The following FAM91A1 variants were observed in gnomAD, a reference collection of about 807,000 sequenced individuals.
FAM91A1 encodes family with sequence similarity 91 member A1.
FAM91A1 carries 41 observed loss-of-function variants against 113.5 expected under a neutral mutation model. That is an observed-to-expected ratio of 0.36 (90% CI 0.28 to 0.47). The LOEUF (loss-of-function observed/expected upper bound fraction) is 0.47, where lower values mean the gene tolerates loss of function less well. FAM91A1 is among the 20% of genes least tolerant of loss of function. The pLI, the probability that FAM91A1 is intolerant of heterozygous loss-of-function variation, is 1.00. For missense variants in FAM91A1, 696 were observed against 1,001.2 expected (o/e 0.70, Z 4.11); for synonymous variants, 307 against 347.9 (o/e 0.88, Z 1.31).
intron 1 of FAM91A1, among the ~76,000 whole-genome samples, chr8:123,769,931 A>G (rs575398787): frequency 6.6e-6 from 1 of 152,028 alleles, no homozygotes; most frequent in African/African-American, 2.4e-5. Flanking sequence ...GTGATGGTAT[A>G]TAAGGATTAT....
chr8:123,800,825 AG>A (rs1815657413), intron 18 of FAM91A1, among the ~76,000 whole-genome samples: 1 of 152,090 alleles, frequency 6.6e-6, no homozygotes, highest in Non-Finnish European at 1.5e-5. Flanking sequence ...AATGTTTTCA[AG>A]GTTCATCATG....
Position 123,768,581 on chromosome 8 carries a change from C to A in FAM91A1, c.-122C>A, listed in dbSNP as rs142309473. ...GCCTAGGCCATGGGGCAGCCTGGGCCTTCTGCAGTGTGAGGCGCGGGGCCT... is the reference window on the plus strand; with the variant it reads ...GCCTAGGCCATGGGGCAGCCTGGGCATTCTGCAGTGTGAGGCGCGGGGCCT... On this transcript the variant is annotated 5_prime_UTR_variant, in exon 1 of 24. Coordinates refer to ENST00000334705, the MANE Select transcript of FAM91A1 (RefSeq NM_144963.4). 8.5e-6 allele frequency: 7 copies of A among 827,706 alleles called. 1 individual carries two copies. In the South Asian group the frequency reaches 1.3e-4, roughly 16 times the overall value. 51.3% of individuals were successfully genotyped at this position (827,706 alleles called of 1,614,324 possible).
rs181106617 is a variant in FAM91A1, at chr8:123,776,137, G to A, written c.309+839G>A. 3.4e-4 allele frequency among the ~76,000 whole-genome samples: 52 copies of A among 152,252 alleles called. 1 individual carries two copies. Among genetic ancestry groups the A allele is most frequent in the African/African-American group, 1.1e-3 (46 of 41,528 alleles). On this transcript the variant is annotated intron_variant, in intron 3 of 23. Transcript: ENST00000334705. Reference sequence around the variant, plus strand: ...TATAATTATTAACTTTTAGTTGTTAGCCTTTTTCCAAAGACAGCTTTTAGG... The same window carrying A: ...TATAATTATTAACTTTTAGTTGTTAACCTTTTTCCAAAGACAGCTTTTAGG...
chr8:123,792,291 T>C (rs1815403682), intron 15 of FAM91A1, among the ~76,000 whole-genome samples: 1 of 152,268 alleles, frequency 6.6e-6, no homozygotes, highest in Non-Finnish European at 1.5e-5. Context: ...GTAGTACTTG[T>C]TATCTACTAT....
At chr8:123,807,470 C>A (rs1350767075) in intron 20 of FAM91A1, among the ~76,000 whole-genome samples, 1 of 135,700 alleles carries the variant, frequency 7.4e-6, no homozygotes, top group Non-Finnish European at 1.6e-5. Flanking sequence ...AGAGCAAGAC[C>A]CTGTCTCTAC....
At position 123,774,933 on chromosome 8, in the gene FAM91A1, C is replaced by T. The variant is rs1244355011; in HGVS notation, c.158-214C>T. ...GTTTTCTCATTTGGCAAGAATTATT[C>T]TCTACTAATCTGTCCTATTATTCAT... On this transcript the variant is annotated intron_variant, in intron 2 of 23. Transcript: ENST00000334705. Among the ~76,000 whole-genome samples the T allele has an allele frequency of 3.9e-5, 6 of 152,214 alleles. No individual in the cohort carries two copies. The East Asian group carries it at 1.2e-3, about 29-fold the overall frequency.
intron 20 of FAM91A1, 66 bp downstream of exon 20, chr8:123,806,295 A>AT (rs1241086846): frequency 6.8e-7 from 1 of 1,479,094 alleles, no homozygotes; most frequent in African/African-American, 1.4e-5. Context: ...GTGTTAATAT[A>AT]TGAAAAGCAG....
chr8:123,794,802 C>T (rs1353964512), intron 15 of FAM91A1, among the ~76,000 whole-genome samples: 1 of 152,170 alleles, frequency 6.6e-6, no homozygotes, highest in African/African-American at 2.4e-5. Context: ...AGAAAAGTAA[C>T]ATTACAAGAA....
chr8:123,797,941 T>C, intron 15 of FAM91A1, 149 bp from the exon 16 acceptor site: 1 of 838,984 alleles, frequency 1.2e-6, no homozygotes, highest in South Asian at 1.8e-5. Flanking sequence ...CTTGGTGGTC[T>C]CCTAGGAAAT....
intron 20 of FAM91A1, among the ~76,000 whole-genome samples, 174 bp downstream of exon 20, chr8:123,806,403 G>C (rs1261037719): frequency 1.3e-5 from 2 of 152,198 alleles, no homozygotes; most frequent in Non-Finnish European, 2.9e-5. Context: ...AATGTCAGTT[G>C]TTCAAATGAA....
rs76390276 is a variant in FAM91A1 at position 123,797,349 on chromosome 8, C to T, written c.1412-741C>T. ...AGACATTTTTAGATACATTAAGAAA[C>T]AAGAAAGTTAGATGGAACTTACAGT... On this transcript the variant is annotated intron_variant, in intron 15 of 23. Transcript: ENST00000334705. 2.5e-3 allele frequency among the ~76,000 whole-genome samples: 387 copies of T among 152,234 alleles called. 1 individual carries two copies. The highest frequency in any genetic ancestry group is 9.1e-3 in the African/African-American group (377 of 41,548).
intron 1 of FAM91A1, among the ~76,000 whole-genome samples, chr8:123,770,689 G>C (rs182779997): frequency 5.1e-4 from 78 of 152,278 alleles, no homozygotes; most frequent in African/African-American, 1.8e-3. Context: ...ATGAATATTT[G>C]ACTTTAATTA....
chr8:123,784,713 C>A, intron 9 of FAM91A1, 137 bp downstream of exon 9: 1 of 508,630 alleles, frequency 2.0e-6, no homozygotes, highest in Non-Finnish European at 3.3e-6. Flanking sequence ...ACTTAAATGT[C>A]ATTATTCTTA....
At position 123,774,166 on chromosome 8, in the gene FAM91A1, TA is replaced by T. The variant is rs751545617; in HGVS notation, c.157+4del. On this transcript the variant is annotated splice_donor_region_variant and intron_variant, in intron 2 of 23. Coordinates refer to ENST00000334705, the MANE Select transcript of FAM91A1 (RefSeq NM_144963.4). Reference sequence around the variant, plus strand: ...AGTTACGATATAGAAATAACTTAGGTAAGTAGAGCCATGTTTATATTGGGGT... The same window carrying T: ...AGTTACGATATAGAAATAACTTAGGTAGTAGAGCCATGTTTATATTGGGGT... 1 of 1,604,770 alleles carries T rather than the reference TA, an allele frequency of 6.2e-7. No homozygotes were observed. The highest frequency in any genetic ancestry group is 8.5e-7 in the Non-Finnish European group (1 of 1,176,310).
rs1441632914 is a variant in FAM91A1, at chr8:123,786,724, C to CT, written c.1078+117dup. 72 of 812,608 alleles carry CT rather than the reference C, an allele frequency of 8.9e-5. 1 individual carries two copies. Among genetic ancestry groups the CT allele is most frequent in the Non-Finnish European group, 1.3e-4 (64 of 486,344 alleles). The allele number at this position is 812,608 out of a possible 1,614,324, so 50.3% of individuals were successfully genotyped here. Reference sequence around the variant, plus strand: ...GTTTAGATTTTATTCAATACGCAGTCTTTGAGTGTTTTACTATATTTTGGG... The same window carrying CT: ...GTTTAGATTTTATTCAATACGCAGTCTTTTGAGTGTTTTACTATATTTTGGG... On this transcript the variant is annotated intron_variant, in intron 12 of 23. Transcript: ENST00000334705.
chr8:123,810,461 T>A, intron 23 of FAM91A1, 110 bp downstream of exon 23: 1 of 1,003,050 alleles, frequency 1.0e-6, no homozygotes, highest in Non-Finnish European at 1.6e-6. Context: ...AAATAAACAT[T>A]AATTTTATTG....
At position 123,775,133 on chromosome 8, in the gene FAM91A1, C is replaced by T; in HGVS notation, c.158-14C>T. 3.2e-6 allele frequency: 5 copies of T among 1,549,364 alleles called. No individual in the cohort carries two copies. In the South Asian group the frequency reaches 3.7e-5, roughly 11 times the overall value. On this transcript the variant is annotated splice_polypyrimidine_tract_variant and intron_variant, in intron 2 of 23. Transcript: ENST00000334705. ...AACCTGAAAAAAACTGGAGAATTTC[C>T]CTCTTTTGTGCAGTTAAACATGTCA...
intron 22 of FAM91A1, among the ~76,000 whole-genome samples, chr8:123,809,827 A>G (rs1017328295): frequency 7.2e-5 from 11 of 152,222 alleles, no homozygotes; most frequent in African/African-American, 2.7e-4. Context: ...TTTAAAGATT[A>G]CCACTATAAT....
chr8:123,776,115 A>G (rs1391996486), intron 3 of FAM91A1, among the ~76,000 whole-genome samples: 1 of 152,188 alleles, frequency 6.6e-6, no homozygotes, highest in Non-Finnish European at 1.5e-5. Flanking sequence ...CTCTTTCTAT[A>G]ATTATTAACT....
Sources: allele counts gnomAD v4.1 joint callset (sites outside exome capture counted in the v4.1 genomes callset), GRCh38; gene constraint gnomAD v4.1.1; transcripts MANE v1.5; gene names NCBI Gene and HGNC (gene_info 2026-07-23, HGNC 2026-07-21).